GFRA2: variants seen among roughly 807,000 people sequenced by gnomAD.
The protein encoded by GFRA2 is GDNF family receptor alpha-2.
Under a neutral mutation model 48.3 loss-of-function variants are expected in GFRA2, and 17 were observed. The observed-to-expected ratio is 0.35, with a 90% CI of 0.24 to 0.53. GFRA2 has a LOEUF of 0.53. Among genes scored for constraint, GFRA2 ranks in the 20% least tolerant of loss-of-function variants. The pLI is 0.93. For missense variants in GFRA2, 660 were observed against 637.3 expected, an observed-to-expected ratio of 1.04 and a Z score of -0.38; for synonymous variants, 305 against 257.2, an observed-to-expected ratio of 1.19 and a Z score of -1.78.
intron 4 of GFRA2, among the ~76,000 whole-genome samples, chr8:21,731,680 G>C (rs925518996): frequency 2.0e-5 from 3 of 152,042 alleles, no homozygotes; most frequent in Admixed American, 2.0e-4. Context: ...ATTCCAACGC[G>C]TTCAATTATC....
chr8:21,788,433 A>C lies in GFRA2; in HGVS notation c.-274T>G, dbSNP rs1807395758. 1.6e-6 allele frequency: 2 copies of C among 1,226,054 alleles called. No individual in the cohort carries two copies. Among genetic ancestry groups the C allele is most frequent in the Non-Finnish European group, 2.0e-6 (2 of 982,442 alleles). 75.9% of individuals were successfully genotyped at this position (1,226,054 alleles called of 1,614,324 possible). On this transcript the variant is annotated 5_prime_UTR_variant, in exon 1 of 9. Transcript: ENST00000524240. The stretch of plus-strand genomic sequence containing the variant: ...ACGCGTATCTGTGTATCGGCTTTCT[A>C]AGCCAACAGCCCAGTCCTGGGGTCA...
intron 4 of GFRA2, among the ~76,000 whole-genome samples, chr8:21,732,114 A>C (rs533924795): frequency 6.6e-6 from 1 of 152,374 alleles, no homozygotes; most frequent in East Asian, 1.9e-4. Flanking sequence ...TCCTGGCGTC[A>C]CTGCATAGAA....
intron 8 of GFRA2, among the ~76,000 whole-genome samples, chr8:21,693,910 TTC>T (rs1802011109): frequency 7.6e-6 from 1 of 131,200 alleles, no homozygotes; most frequent in African/African-American, 2.8e-5. Context: ...TTGTCTGAGT[TTC>T]TCTTTCTTCT....
chr8:21,716,139 A>G (rs1335015876), intron 4 of GFRA2, among the ~76,000 whole-genome samples: 1 of 152,090 alleles, frequency 6.6e-6, no homozygotes, highest in African/African-American at 2.4e-5. Context: ...CCTGGCCAAC[A>G]TGGCAAAACT....
intron 4 of GFRA2, among the ~76,000 whole-genome samples, chr8:21,710,247 A>T (rs549529090): frequency 6.6e-6 from 1 of 152,332 alleles, no homozygotes; most frequent in African/African-American, 2.4e-5. Flanking sequence ...TGCGACAGAG[A>T]GCTAAGGAGA....
chr8:21,706,754 T>G lies in GFRA2; in HGVS notation c.795-713A>C, dbSNP rs549092323. ...AGCATCGATGACACTGCATCAAAAC[T>G]CCTTGTGCACAGCTCTATGTTCCCC... On this transcript the variant is annotated intron_variant, in intron 4 of 8. Coordinates refer to ENST00000524240, the MANE Select transcript of GFRA2 (RefSeq NM_001495.5). Among the ~76,000 whole-genome samples the G allele has an allele frequency of 5.9e-5, 9 of 152,146 alleles. 1 individual carries two copies. In the East Asian group the frequency reaches 1.8e-3, roughly 30 times the overall value.
At chr8:21,718,082 C>G (rs1185631322) in intron 4 of GFRA2, among the ~76,000 whole-genome samples, 1 of 152,178 alleles carries the variant, frequency 6.6e-6, no homozygotes, top group Non-Finnish European at 1.5e-5. Context: ...TAATTGCATA[C>G]TGTCTGATAG....
At chr8:21,759,914 C>T (rs1340272256) in intron 3 of GFRA2, among the ~76,000 whole-genome samples, 1 of 149,694 alleles carries the variant, frequency 6.7e-6, no homozygotes, top group African/African-American at 2.5e-5. Context: ...AAAGAATGAC[C>T]AGCAAATAAG....
At chr8:21,746,177 G>A (rs1288491715) in intron 4 of GFRA2, among the ~76,000 whole-genome samples, 1 of 152,084 alleles carries the variant, frequency 6.6e-6, no homozygotes, top group South Asian at 2.1e-4. Context: ...CCCTGACTCT[G>A]GGGCACCACC....
At position 21,693,264 on chromosome 8, in the gene GFRA2, TC is replaced by T. The variant is rs1795704090; in HGVS notation, c.*13del. ...GCGTAGCTTTCAAAAATATTCTGAC[TC>T]GGTTCCCACAGCCTACAAGGCCAGT... On this transcript the variant is annotated 3_prime_UTR_variant, in exon 9 of 9. Transcript: ENST00000524240. 2 of 1,601,056 alleles carry T rather than the reference TC, an allele frequency of 1.2e-6. No homozygotes were observed. The highest frequency in any genetic ancestry group is 2.2e-5 in the South Asian group (2 of 89,274).
At chr8:21,703,902 A>G (rs2117361819) in intron 6 of GFRA2, among the ~76,000 whole-genome samples, 1 of 152,338 alleles carries the variant, frequency 6.6e-6, no homozygotes, top group South Asian at 2.1e-4. Context: ...CCGCTGCCTC[A>G]CAACACAGGC....
Position 21,798,536 on chromosome 8 carries a change from G to A in GFRA2, c.-36+6481C>T, listed in dbSNP as rs972999292. 1.5e-3 allele frequency among the ~76,000 whole-genome samples: 228 copies of A among 152,294 alleles called. 3 individuals carry two copies. In the Middle Eastern group the frequency reaches 0.027, roughly 18 times the overall value. ...TCAGCCACCCGCTCTGCCACCAGCT[G>A]ACCATGTGACTTTAGTTCCTCTAGG... On this transcript the variant is annotated intron_variant, in intron 2 of 10. Coordinates refer to the GFRA2 transcript ENST00000517328.
At chr8:21,773,693 GA>G (rs1401145572) in intron 3 of GFRA2, among the ~76,000 whole-genome samples, 7 of 151,398 alleles carry the variant, frequency 4.6e-5, no homozygotes, top group East Asian at 3.9e-4. Flanking sequence ...AACAATAATG[GA>G]AAAAAAAAGA....
intron 7 of GFRA2, among the ~76,000 whole-genome samples, chr8:21,697,077 AG>A: frequency 1.2e-3 from 1 of 814 alleles, no homozygotes; most frequent in Non-Finnish European, 2.5e-3. Flanking sequence ...CGAGGAGGGT[AG>A]ATGGGACAGA....
chr8:21,712,172 G>A (rs7386338), intron 4 of GFRA2, among the ~76,000 whole-genome samples: 56,097 of 148,600 alleles, frequency 0.38, 11,519 homozygotes, highest in East Asian at 0.6. Context: ...TTGTCATCAT[G>A]GCCCATTCTC....
intron 4 of GFRA2, chr8:21,706,515 A>G (rs1802756635): frequency 2.2e-6 from 1 of 446,994 alleles, no homozygotes; most frequent in African/African-American, 2.0e-5. Flanking sequence ...GCTTCATAGG[A>G]CCTATCTGAG....
intron 3 of GFRA2, among the ~76,000 whole-genome samples, chr8:21,764,120 C>A (rs1037063047): frequency 3.3e-5 from 5 of 152,142 alleles, no homozygotes; most frequent in African/African-American, 1.2e-4. Context: ...TTGGTCTGTT[C>A]GGGCTGCTAT....
intron 1 of GFRA2, among the ~76,000 whole-genome samples, chr8:21,806,920 T>A (rs1247653703): frequency 6.6e-6 from 1 of 152,260 alleles, no homozygotes; most frequent in African/African-American, 2.4e-5. Context: ...GTTGGTTCTA[T>A]CTTCCTATCT....
At chr8:21,759,422 GA>G (rs1805765243) in intron 3 of GFRA2, among the ~76,000 whole-genome samples, 1 of 135,430 alleles carries the variant, frequency 7.4e-6, no homozygotes, top group Admixed American at 7.6e-5. Context: ...GGGAAAGAGG[GA>G]AAGAGGGAAA....
Sources: gnomAD v4.1 joint callset for allele counts (sites outside exome capture counted in the v4.1 genomes callset) on GRCh38, gnomAD v4.1.1 for gene constraint, MANE v1.5 for transcripts, NCBI Gene and HGNC (gene_info 2026-07-23, HGNC 2026-07-21) for gene names.